Variants in MPHOSPH9 observed in about 807,000 individuals in gnomAD.
MPHOSPH9 encodes the protein M-phase phosphoprotein 9.
Under a neutral mutation model 145.5 loss-of-function variants are expected in MPHOSPH9, and 88 were observed. The ratio of observed to expected loss-of-function variants is 0.60; its 90% CI spans 0.51 to 0.72. The LOEUF (loss-of-function observed/expected upper bound fraction) is 0.72, where lower values mean the gene tolerates loss of function less well. Among genes scored for constraint, MPHOSPH9 ranks in the 30% least tolerant of loss-of-function variants. The pLI, the probability that MPHOSPH9 is intolerant of heterozygous loss-of-function variation, is 0.00. For missense variants in MPHOSPH9, 1,238 were observed against 1,386.6 expected (o/e 0.89, Z 1.70); for synonymous variants, 435 against 486.2 (o/e 0.89, Z 1.39).
At chr12:123,222,022 T>A in intron 4 of MPHOSPH9, 127 bp from the exon 5 acceptor site, 1 of 671,800 alleles carries the variant, frequency 1.5e-6, no homozygotes, top group Non-Finnish European at 2.4e-6. Context: ...TGATACTTTA[T>A]CTTTAGTTTA....
At chr12:123,218,293 A>T in intron 6 of MPHOSPH9, 83 bp downstream of exon 6, 2 of 1,534,108 alleles carry the variant, frequency 1.3e-6, no homozygotes, top group Non-Finnish European at 1.8e-6. Context: ...AAGAAAGGGC[A>T]CAAGAGTTTT....
chr12:123,167,947 G>C (rs1460191854), intron 16 of MPHOSPH9, among the ~76,000 whole-genome samples: 1 of 152,190 alleles, frequency 6.6e-6, no homozygotes, highest in Non-Finnish European at 1.5e-5. Context: ...AGCCACCTCA[G>C]AGGGTACTTG....
rs201556245 is a variant in MPHOSPH9, at chr12:123,154,293, G to A, written c.*2514C>T. ...CCAACAACAAAAATAGTTTATACCC[G>A]GGGATAATAGCTGCTATTTAGAATT... On this transcript the variant is annotated 3_prime_UTR_variant, in exon 24 of 24. Coordinates refer to ENST00000606320, the MANE Select transcript of MPHOSPH9 (RefSeq NM_022782.4). 6 of 151,274 alleles carry A rather than the reference G, an allele frequency of 4.0e-5. No individual in the cohort carries two copies. The highest frequency in any genetic ancestry group is 7.4e-5 in the Non-Finnish European group (5 of 67,906). The allele number at this position is 151,274 out of a possible 1,614,324, so 9.4% of individuals were successfully genotyped here. A position where few individuals can be genotyped will look rare whatever the true frequency, so the allele number is the denominator to read the frequency against.
At position 123,202,167 on chromosome 12, in the gene MPHOSPH9, T is replaced by C; in HGVS notation, c.1934A>G (p.Asp645Gly). ...ACAGCTAAATTATAAATTTTACCTG[T>C]CTACAAGAATTTGATTGGTTATCTT... The part of the protein sequence containing the change: ...DWKITNQILV[D>G]RCGQLDSALH... The change falls in exon 11 of 24, where the codon GAC becomes GGC. Residue 645 changes from aspartate (D) to glycine (G), a missense_variant. Asp to Gly is a moderately conservative substitution (Grantham distance 94). Transcript: ENST00000606320. The C allele has an allele frequency of 6.2e-7, 1 of 1,606,194 alleles. No individual in the cohort carries two copies. The highest frequency in any genetic ancestry group is 8.5e-7 in the Non-Finnish European group (1 of 1,177,854).
intron 16 of MPHOSPH9, among the ~76,000 whole-genome samples, chr12:123,172,795 C>G (rs1215397293): frequency 6.7e-6 from 1 of 149,778 alleles, no homozygotes; most frequent in African/African-American, 2.4e-5. Flanking sequence ...CCTGCATTGT[C>G]ATGATGCAGT....
intron 13 of MPHOSPH9, among the ~76,000 whole-genome samples, chr12:123,189,566 G>A (rs1216108716): frequency 6.6e-6 from 1 of 152,154 alleles, no homozygotes; most frequent in African/African-American, 2.4e-5. Context: ...GGAATAAACA[G>A]AAATGAAGTT....
intron 5 of MPHOSPH9, among the ~76,000 whole-genome samples, chr12:123,220,651 C>T (rs2047157822): frequency 6.6e-6 from 1 of 152,030 alleles, no homozygotes; most frequent in African/African-American, 2.4e-5. Flanking sequence ...CGCTCATAGT[C>T]CTAGCTACTC....
At chr12:123,193,346 C>G (rs780165126) in intron 13 of MPHOSPH9, among the ~76,000 whole-genome samples, 17 of 152,044 alleles carry the variant, frequency 1.1e-4, no homozygotes. Flanking sequence ...CTGAAAGTAA[C>G]AGCCTCTAGG....
At chr12:123,162,590 C>G (rs1392843874) in intron 20 of MPHOSPH9, 1 of 182,828 alleles carries the variant, frequency 5.5e-6, no homozygotes, top group South Asian at 1.7e-4. Flanking sequence ...CATCCCTCCC[C>G]GCTAATAGCA....
chr12:123,152,387 G>A (rs1016580261), downstream of MPHOSPH9: 2 of 340,156 alleles, frequency 5.9e-6, no homozygotes, highest in Admixed American at 3.9e-5. Flanking sequence ...CCCTGCTCCC[G>A]CGGAGCTTAC....
Position 123,166,455 on chromosome 12 carries a change from C to T in MPHOSPH9, c.2591+200G>A, listed in dbSNP as rs2044323786. 3 of 647,246 alleles carry T rather than the reference C, an allele frequency of 4.6e-6. No individual in the cohort carries two copies. In the South Asian group the frequency reaches 5.6e-5, roughly 12 times the overall value. The allele number at this position is 647,246 out of a possible 1,614,324, so 40.1% of individuals were successfully genotyped here. ...CACAAACCCATACTGTGCCACTGAG[C>T]ACAGGTGGGGAAGCTTGGCAGAGCT... On this transcript the variant is annotated intron_variant, in intron 17 of 23. Transcript: ENST00000606320.
chr12:123,230,323 T>TG lies in MPHOSPH9; in HGVS notation c.41dup (p.Ser15IlefsTer6), dbSNP rs772539882. On this transcript the variant is annotated frameshift_variant, in exon 2 of 24. Coordinates refer to ENST00000606320, the MANE Select transcript of MPHOSPH9 (RefSeq NM_022782.4). LOFTEE classifies it high-confidence loss of function. ...AATTTTCATCAGATCCTACAGAAGA[T>TG]GAAGTTTTGTGTAAGGTTTTCACCA... 3.9e-6 allele frequency: 6 copies of TG among 1,534,322 alleles called. No homozygotes were observed. In the South Asian group the frequency reaches 7.1e-5, roughly 18 times the overall value.
intron 13 of MPHOSPH9, among the ~76,000 whole-genome samples, chr12:123,182,505 CA>C (rs2045229085): frequency 6.6e-6 from 1 of 151,690 alleles, no homozygotes; most frequent in South Asian, 2.1e-4. Flanking sequence ...CTTGGCCTGC[CA>C]AAGTGCTGGG....
chr12:123,218,029 A>G, intron 6 of MPHOSPH9, among the ~76,000 whole-genome samples: 1 of 147,760 alleles, frequency 6.8e-6, no homozygotes, highest in Admixed American at 6.9e-5. Context: ...TGGGTGACAG[A>G]GCGAGACTCC....
chr12:123,172,968 G>A (rs1274937581), intron 16 of MPHOSPH9, among the ~76,000 whole-genome samples: 4 of 126,608 alleles, frequency 3.2e-5, no homozygotes, highest in East Asian at 2.8e-4. Flanking sequence ...TGCAACCTCC[G>A]CCTCCCAGGT....
chr12:123,194,177 G>A (rs1298254470), intron 13 of MPHOSPH9, among the ~76,000 whole-genome samples: 1 of 152,130 alleles, frequency 6.6e-6, no homozygotes, highest in Non-Finnish European at 1.5e-5. Context: ...GCTGAGGCGA[G>A]AAGATCTCTT....
At chr12:123,171,988 T>G (rs2044603386) in intron 16 of MPHOSPH9, among the ~76,000 whole-genome samples, 1 of 152,206 alleles carries the variant, frequency 6.6e-6, no homozygotes, top group East Asian at 1.9e-4. Context: ...CCCATGCACG[T>G]TTTCATACGT....
intron 6 of MPHOSPH9, 148 bp downstream of exon 6, chr12:123,218,228 G>T: frequency 4.5e-6 from 5 of 1,115,122 alleles, no homozygotes; most frequent in South Asian, 1.6e-5. Context: ...GCGAAACTCC[G>T]TCTCAAAAAA....
chr12:123,165,015 C>CAAAAAAAAAAA, intron 18 of MPHOSPH9, among the ~76,000 whole-genome samples: 1 of 83,248 alleles, frequency 1.2e-5, no homozygotes, highest in Non-Finnish European at 2.2e-5. Context: ...CTCACTGTCT[C>CAAAAAAAAAAA]AAAAAAAAAA....
Sources: gnomAD v4.1 joint callset for allele counts (sites outside exome capture counted in the v4.1 genomes callset) on GRCh38, gnomAD v4.1.1 for gene constraint, MANE v1.5 for transcripts, NCBI Gene and HGNC (gene_info 2026-07-23, HGNC 2026-07-21) for gene names.